The following SPMIP9 variants were observed in gnomAD, a reference collection of about 807,000 sequenced individuals.
SPMIP9 encodes the protein sperm microtubule inner protein 9, also known as protein SPMIP9.
chr2:88,527,795 T>C, the SPMIP9 span, among the ~76,000 whole-genome samples: 3 of 152,190 alleles, frequency 2.0e-5, no homozygotes, highest in Non-Finnish European at 2.9e-5. Context: ...GTGGAATTGT[T>C]TGTCATGGAG....
the SPMIP9 span, chr2:88,529,258 A>G: frequency 2.5e-6 from 4 of 1,614,150 alleles, no homozygotes; most frequent in Admixed American, 3.3e-5. Flanking sequence ...GCCATTTCAC[A>G]TATCCAGCTT....
chr2:88,527,541 T>G, the SPMIP9 span, among the ~76,000 whole-genome samples: 1 of 152,212 alleles, frequency 6.6e-6, no homozygotes, highest in Non-Finnish European at 1.5e-5. Flanking sequence ...TTATTACATA[T>G]TGGATTTGTA....
At chr2:88,525,558 G>C in the SPMIP9 span, 1 of 1,531,020 alleles carries the variant, frequency 6.5e-7, no homozygotes, top group Non-Finnish European at 9.1e-7. Flanking sequence ...AGCCATGCTT[G>C]GTTGGCACAG....
At chr2:88,528,365 T>C in the SPMIP9 span, among the ~76,000 whole-genome samples, 1 of 152,206 alleles carries the variant, frequency 6.6e-6, no homozygotes, top group Non-Finnish European at 1.5e-5. Context: ...CTTGGACTCC[T>C]GTCCTCAAGT....
chr2:88,529,396 G>T, the SPMIP9 span: 2 of 1,614,084 alleles, frequency 1.2e-6, no homozygotes, highest in Non-Finnish European at 1.7e-6. Flanking sequence ...TACTGCCAGG[G>T]TGTCCCTGTC....
chr2:88,525,560 TTGGCACAGCTTGAAGATAG>T, the SPMIP9 span: 5 of 1,545,272 alleles, frequency 3.2e-6, no homozygotes. Context: ...CCATGCTTGG[TTGGCACAGCTTGAAGATAG>T]TGGCTACTTT....
At chr2:88,525,127 C>T in the SPMIP9 span, among the ~76,000 whole-genome samples, 1 of 152,118 alleles carries the variant, frequency 6.6e-6, no homozygotes, top group Admixed American at 6.5e-5. Flanking sequence ...AGTGCTGAGG[C>T]CTGGTTCAGA....
the SPMIP9 span, chr2:88,529,326 T>C: frequency 6.2e-7 from 1 of 1,614,138 alleles, no homozygotes. Flanking sequence ...AGTGCTGACT[T>C]TCCGTGCCTC....
chr2:88,529,408 T>G, the SPMIP9 span: 5 of 1,614,052 alleles, frequency 3.1e-6, no homozygotes, highest in Non-Finnish European at 4.2e-6. Flanking sequence ...GTCCCTGTCT[T>G]CATTGCCATA....
At chr2:88,525,305 C>T in the SPMIP9 span, among the ~76,000 whole-genome samples, 2 of 152,188 alleles carry the variant, frequency 1.3e-5, no homozygotes, top group African/African-American at 4.8e-5. Flanking sequence ...GCCTATTTTC[C>T]CTGAAAACAT....
chr2:88,526,043 T>A, the SPMIP9 span, among the ~76,000 whole-genome samples: 1 of 151,890 alleles, frequency 6.6e-6, no homozygotes, highest in East Asian at 1.9e-4. Flanking sequence ...AAGGAAAGGG[T>A]TTAACTCTTG....
At chr2:88,525,256 A>T in the SPMIP9 span, among the ~76,000 whole-genome samples, 1 of 152,208 alleles carries the variant, frequency 6.6e-6, no homozygotes, top group Admixed American at 6.5e-5. Flanking sequence ...TGATAGGAGC[A>T]TTTACACCAC....
the SPMIP9 span, chr2:88,524,781 CTG>C: frequency 6.6e-6 from 1 of 152,386 alleles, no homozygotes; most frequent in Non-Finnish European, 1.5e-5. Context: ...GAGAAGCTGT[CTG>C]TGAGCAAAAG....
the SPMIP9 span, among the ~76,000 whole-genome samples, chr2:88,526,206 G>A: frequency 6.6e-6 from 1 of 152,182 alleles, no homozygotes; most frequent in South Asian, 2.1e-4. Flanking sequence ...GCCCATGCAA[G>A]TGGGAGGAAG....
chr2:88,527,477 A>G, the SPMIP9 span, among the ~76,000 whole-genome samples: 5 of 152,262 alleles, frequency 3.3e-5, no homozygotes, highest in South Asian at 1.0e-3. Context: ...GTGTTTTTCT[A>G]AAAACTCATT....
At chr2:88,528,950 A>G in the SPMIP9 span, 1 of 1,245,494 alleles carries the variant, frequency 8.0e-7, no homozygotes, top group Non-Finnish European at 1.1e-6. Flanking sequence ...AAAGTTTTGA[A>G]AAAATAAAGA....
chr2:88,526,389 TCTC>T, the SPMIP9 span: 1 of 1,591,712 alleles, frequency 6.3e-7, no homozygotes. Context: ...TGTTTTATAT[TCTC>T]CTTGTGCTTT....
chr2:88,528,262 C>T, the SPMIP9 span, among the ~76,000 whole-genome samples: 4 of 150,742 alleles, frequency 2.7e-5, no homozygotes, highest in Admixed American at 2.0e-4. Context: ...CTCAGCCTCC[C>T]GAGTAGCTGG....
the SPMIP9 span, chr2:88,529,261 T>C: frequency 2.5e-6 from 4 of 1,614,076 alleles, no homozygotes; most frequent in Non-Finnish European, 3.4e-6. Flanking sequence ...ATTTCACATA[T>C]CCAGCTTCCC....
Sources: gnomAD v4.1 joint callset for allele counts (sites outside exome capture counted in the v4.1 genomes callset) on GRCh38, gnomAD v4.1.1 for gene constraint, MANE v1.5 for transcripts, NCBI Gene and HGNC (gene_info 2026-07-23, HGNC 2026-07-21) for gene names.